Variants in FAM168B observed in about 807,000 individuals in gnomAD.
FAM168B encodes myelin-associated neurite-outgrowth inhibitor.
FAM168B carries 19 observed loss-of-function variants against 21.8 expected under a neutral mutation model. That is an observed-to-expected ratio of 0.87 (90% confidence interval 0.61 to 1.28). The LOEUF is 1.28. FAM168B is among the 50% of genes most tolerant of loss of function. The probability of loss-of-function intolerance (pLI) is 0.00; values close to 1 mark genes in which losing one functional copy is unlikely to be tolerated. For synonymous variants in FAM168B, 126 were observed against 104.8 expected (o/e 1.20, Z -1.24); for missense variants, 233 against 263.1 (o/e 0.89, Z 0.79).
At chr2:131,083,538 C>T (rs1157862970) in intron 1 of FAM168B, among the ~76,000 whole-genome samples, 10 of 152,074 alleles carry the variant, frequency 6.6e-5, no homozygotes, top group Non-Finnish European at 1.2e-4. Flanking sequence ...GAGACTTTGT[C>T]GCAAAAAAAA....
chr2:131,085,033 T>C (rs912462296), intron 1 of FAM168B, among the ~76,000 whole-genome samples: 2 of 152,168 alleles, frequency 1.3e-5, no homozygotes, highest in African/African-American at 4.8e-5. Context: ...AATCACTCAC[T>C]GACGTATGTG....
intron 6 of FAM168B, 73 bp downstream of exon 6, chr2:131,052,818 G>A: frequency 6.6e-7 from 1 of 1,521,072 alleles, no homozygotes; most frequent in African/African-American, 1.4e-5. Flanking sequence ...GCTTAAATAT[G>A]TGGTAAATTT....
In FAM168B at chr2:131,050,410, C is replaced by CT. The variant is rs1318943068; in HGVS notation, c.*2054dup. 19 of 985,804 alleles carry CT rather than the reference C, an allele frequency of 1.9e-5. No individual in the cohort carries two copies. The African/African-American group carries it at 3.1e-4, about 16-fold the overall frequency. 61.1% of individuals were successfully genotyped at this position (985,804 alleles called of 1,614,324 possible). A position where few individuals can be genotyped will look rare whatever the true frequency, so the allele number is the denominator to read the frequency against. On this transcript the variant is annotated 3_prime_UTR_variant, in exon 7 of 7. Transcript: ENST00000389915. ...CTGGAACCGTTAGAACCTACTAATC[C>CT]TGCCAACCATCCACTAAACAGATGG...
At chr2:131,074,120 T>C (rs530414919) in intron 2 of FAM168B, among the ~76,000 whole-genome samples, 2 of 151,928 alleles carry the variant, frequency 1.3e-5, no homozygotes, top group East Asian at 1.9e-4. Context: ...ACAGCTGAGG[T>C]ATTAGAAAGT....
At chr2:131,058,900 T>C (rs555330010) in intron 3 of FAM168B, among the ~76,000 whole-genome samples, 3 of 152,338 alleles carry the variant, frequency 2.0e-5, no homozygotes, top group Non-Finnish European at 2.9e-5. Context: ...ACATTTTCTT[T>C]AATTATAAAG....
At chr2:131,061,540 G>T (rs1692295381) in intron 3 of FAM168B, among the ~76,000 whole-genome samples, 2 of 152,086 alleles carry the variant, frequency 1.3e-5, no homozygotes, top group African/African-American at 4.8e-5. Flanking sequence ...CAGCACTTTG[G>T]GAGGCTGAGG....
chr2:131,076,487 A>G (rs1352629825), intron 2 of FAM168B, among the ~76,000 whole-genome samples: 1 of 151,916 alleles, frequency 6.6e-6, no homozygotes, highest in East Asian at 1.9e-4. Context: ...ATCTCTAATA[A>G]AAGTACAAAA....
At position 131,052,927 on chromosome 2, in the gene FAM168B, G is replaced by A; in HGVS notation, c.564C>T (p.Tyr188=). ...ATCACCACTGAGGGGGCACATAGCT[G>A]TAAGTGGGCGTTCCTGGGGCCCGGT... The part of the protein sequence containing the change: ...PTYRAPGTPT[Y]SYVPPQW Residue 188 remains tyrosine, a synonymous_variant, in exon 6 of 7, where the codon TAC becomes TAT. Transcript: ENST00000389915. 6.4e-7 allele frequency: 1 copy of A among 1,562,188 alleles called. No individual in the cohort carries two copies. Among genetic ancestry groups the A allele is most frequent in the Non-Finnish European group, 8.7e-7 (1 of 1,152,340 alleles).
At position 131,055,431 on chromosome 2, in the gene FAM168B, G is replaced by T. The variant is rs769054416; in HGVS notation, c.316C>A (p.Gln106Lys). ...TGAGGAGGTGCTGCATACAGCGGCT[G>T]TGTGTAGTACGTGCCTTGCTGTGGG... ...PYAQQGTYYT[Q>K]PLYAAPPHVI... The change falls in exon 5 of 7, where the codon CAG becomes AAG. Residue 106 changes from glutamine to lysine, a missense_variant. Transcript: ENST00000389915. 1 of 1,609,632 alleles carries T rather than the reference G, an allele frequency of 6.2e-7. No individual in the cohort carries two copies. Among genetic ancestry groups the T allele is most frequent in the Non-Finnish European group, 8.5e-7 (1 of 1,178,630 alleles).
chr2:131,049,413 A>C lies in FAM168B; in HGVS notation c.*3052T>G, dbSNP rs1405767804. The C allele has an allele frequency of 4.1e-6, 4 of 985,268 alleles. No individual in the cohort carries two copies. The highest frequency in any genetic ancestry group is 4.8e-6 in the Non-Finnish European group (4 of 829,946). 61.0% of individuals were successfully genotyped at this position (985,268 alleles called of 1,614,324 possible). A position where few individuals can be genotyped will look rare whatever the true frequency, so the allele number is the denominator to read the frequency against. ...TAGGCCTACAAACCACACCAAGAAGAACGTTCTTAACAGATGGCTCACGAG... is the reference window on the plus strand; with the variant it reads ...TAGGCCTACAAACCACACCAAGAAGCACGTTCTTAACAGATGGCTCACGAG... On this transcript the variant is annotated 3_prime_UTR_variant, in exon 7 of 7. Coordinates refer to ENST00000389915, the MANE Select transcript of FAM168B (RefSeq NM_001009993.4).
At chr2:131,053,941 C>T (rs1318372623) in intron 5 of FAM168B, among the ~76,000 whole-genome samples, 4 of 151,924 alleles carry the variant, frequency 2.6e-5, no homozygotes, top group Non-Finnish European at 5.9e-5. Flanking sequence ...CAGTGACTCA[C>T]GCCTGTAAGC....
intron 3 of FAM168B, among the ~76,000 whole-genome samples, chr2:131,058,991 C>G (rs1226030015): frequency 6.6e-6 from 1 of 152,124 alleles, no homozygotes; most frequent in Admixed American, 6.5e-5. Context: ...TCCCAGGAGA[C>G]CCGGGACAGT....
At chr2:131,066,751 A>C (rs1692582397) in intron 3 of FAM168B, among the ~76,000 whole-genome samples, 1 of 152,210 alleles carries the variant, frequency 6.6e-6, no homozygotes, top group Non-Finnish European at 1.5e-5. Context: ...GGGTGAAGTT[A>C]AACAACTTTC....
Position 131,050,764 on chromosome 2 carries a change from A to C in FAM168B, c.*1701T>G, listed in dbSNP as rs554823947. 9.1e-6 allele frequency: 9 copies of C among 985,422 alleles called. 1 individual carries two copies. In the African/African-American group the frequency reaches 1.6e-4, roughly 17 times the overall value. The allele number at this position is 985,422 out of a possible 1,614,324, so 61.0% of individuals were successfully genotyped here. On this transcript the variant is annotated 3_prime_UTR_variant, in exon 7 of 7. Coordinates refer to ENST00000389915, the MANE Select transcript of FAM168B (RefSeq NM_001009993.4). ...GGGCAGAATGCTAGTGGGCATCCTC[A>C]CTGGGCGCCAGTGCCCTGACCCAGC...
chr2:131,066,862 C>G (rs1335737277), intron 3 of FAM168B, among the ~76,000 whole-genome samples: 1 of 152,138 alleles, frequency 6.6e-6, no homozygotes, highest in African/African-American at 2.4e-5. Flanking sequence ...TTAGTTCATT[C>G]TCATACTACT....
At chr2:131,082,706 T>A in intron 1 of FAM168B, 49 bp from the exon 2 acceptor site, 1 of 1,272,922 alleles carries the variant, frequency 7.9e-7, no homozygotes, top group Admixed American at 2.3e-5. Context: ...CTCTCAGATT[T>A]TTCTCCAGTA....
chr2:131,083,358 A>C (rs556665162), intron 1 of FAM168B, among the ~76,000 whole-genome samples: 133 of 152,136 alleles, frequency 8.7e-4, no homozygotes, highest in African/African-American at 3.1e-3. Context: ...GTCTCAAAAA[A>C]ACAAAACAAA....
chr2:131,052,380 G>T lies in FAM168B; in HGVS notation c.*85C>A, dbSNP rs567686038. 1.3e-5 allele frequency: 13 copies of T among 986,774 alleles called. No individual in the cohort carries two copies. The South Asian group carries it at 5.1e-4, about 39-fold the overall frequency. 61.1% of individuals were successfully genotyped at this position (986,774 alleles called of 1,614,324 possible). A position where few individuals can be genotyped will look rare whatever the true frequency, so the allele number is the denominator to read the frequency against. ...CGAGAGCATTAAGAAGAAAGTCCTG[G>T]TTGGAGGCGCAAGGCCTGCAGCACC... On this transcript the variant is annotated 3_prime_UTR_variant, in exon 7 of 7. Transcript: ENST00000389915.
At chr2:131,070,832 C>G (rs182876772) in intron 3 of FAM168B, among the ~76,000 whole-genome samples, 1 of 152,248 alleles carries the variant, frequency 6.6e-6, no homozygotes, top group Admixed American at 6.5e-5. Flanking sequence ...ATATGGCAAA[C>G]AGCTAGGGAC....
Sources: allele counts gnomAD v4.1 joint callset (sites outside exome capture counted in the v4.1 genomes callset), GRCh38; gene constraint gnomAD v4.1.1; transcripts MANE v1.5; gene names NCBI Gene and HGNC (gene_info 2026-07-23, HGNC 2026-07-21).